ZNF536: variants seen among roughly 807,000 people sequenced by gnomAD.
The protein encoded by ZNF536 is zinc finger protein 536.
Under a neutral mutation model 84.5 loss-of-function variants are expected in ZNF536, and 13 were observed. That is an observed-to-expected ratio of 0.15 (90% confidence interval 0.10 to 0.24). The LOEUF (loss-of-function observed/expected upper bound fraction) is 0.24. Ranked by LOEUF, ZNF536 falls within the 10% of genes least tolerant of loss-of-function variation. The pLI, the probability that ZNF536 is intolerant of heterozygous loss-of-function variation, is 1.00. For missense variants in ZNF536, 1,536 were observed against 1,747.5 expected (o/e 0.88, Z 2.16); for synonymous variants, 811 against 742.5 (o/e 1.09, Z -1.50).
intron 1 of ZNF536, among the ~76,000 whole-genome samples, chr19:30,667,926 C>A (rs527736865): frequency 2.0e-5 from 3 of 152,124 alleles, no homozygotes; most frequent in South Asian, 4.2e-4. Flanking sequence ...GAAACGCAGG[C>A]TCAGAGAGGT....
chr19:30,581,875 A>G (rs1420607822), intron 1 of ZNF536, among the ~76,000 whole-genome samples: 1 of 152,222 alleles, frequency 6.6e-6, no homozygotes, highest in Non-Finnish European at 1.5e-5. Context: ...CAGAGGTTGC[A>G]GTAAGCTGAG....
intron 3 of ZNF536, among the ~76,000 whole-genome samples, chr19:30,360,185 G>A (rs956000212): frequency 3.3e-5 from 5 of 152,208 alleles, no homozygotes; most frequent in South Asian, 2.1e-4. Flanking sequence ...GAGCTTGGGC[G>A]TAGTGAAAGT....
intron 2 of ZNF536, among the ~76,000 whole-genome samples, chr19:30,469,104 C>T (rs1016258390): frequency 7.2e-5 from 11 of 152,100 alleles, no homozygotes; most frequent in African/African-American, 2.7e-4. Context: ...CAAGCCAAGT[C>T]TCCAAACATA....
At chr19:30,655,801 G>A (rs2049888679) in intron 1 of ZNF536, among the ~76,000 whole-genome samples, 1 of 152,186 alleles carries the variant, frequency 6.6e-6, no homozygotes, top group Non-Finnish European at 1.5e-5. Context: ...TGCTTTGGGA[G>A]GCTGAGGTGG....
At chr19:30,657,496 A>G (rs2049958489) in intron 1 of ZNF536, among the ~76,000 whole-genome samples, 1 of 152,142 alleles carries the variant, frequency 6.6e-6, no homozygotes, top group African/African-American at 2.4e-5. Flanking sequence ...CACTGCTCCG[A>G]CAACGTCTTG....
rs567960913 is a variant in ZNF536 at position 30,451,258 on chromosome 19, T to A, written c.2170+5526T>A. 5.5e-3 allele frequency among the ~76,000 whole-genome samples: 838 copies of A among 152,372 alleles called. 6 individuals are homozygous for A. The highest frequency in any genetic ancestry group is 0.019 in the African/African-American group (782 of 41,594). Reference sequence around the variant, plus strand: ...GGTCTGTCCACTTGGGACGCCCTGCTCGTGCCGGGATCGCCGTTGCTCTCA... The same window carrying A: ...GGTCTGTCCACTTGGGACGCCCTGCACGTGCCGGGATCGCCGTTGCTCTCA... On this transcript the variant is annotated intron_variant, in intron 2 of 4. Coordinates refer to ENST00000355537, the MANE Select transcript of ZNF536 (RefSeq NM_014717.3).
chr19:30,324,033 C>A (rs572346613), intron 2 of ZNF536, among the ~76,000 whole-genome samples: 1 of 151,898 alleles, frequency 6.6e-6, no homozygotes, highest in South Asian at 2.1e-4. Context: ...ATCCACCCAC[C>A]CATCCTCCAT....
chr19:30,521,521 A>G (rs973871738), intron 2 of ZNF536, among the ~76,000 whole-genome samples: 1 of 152,184 alleles, frequency 6.6e-6, no homozygotes, highest in Non-Finnish European at 1.5e-5. Context: ...AAGAAAAACA[A>G]GCAAACTTGA....
At chr19:30,446,694 T>C (rs1333362460) in intron 2 of ZNF536, among the ~76,000 whole-genome samples, 4 of 152,110 alleles carry the variant, frequency 2.6e-5, no homozygotes, top group Admixed American at 6.6e-5. Context: ...CTGTCTTAAA[T>C]TGTACTGTGT....
chr19:30,568,576 A>C (rs2046432375), intron 1 of ZNF536, among the ~76,000 whole-genome samples: 1 of 152,148 alleles, frequency 6.6e-6, no homozygotes, highest in Admixed American at 6.5e-5. Flanking sequence ...AAATACTGCT[A>C]ATAAAAAAAA....
chr19:30,337,230 C>T (rs183302761), intron 2 of ZNF536, among the ~76,000 whole-genome samples: 251 of 152,264 alleles, frequency 1.6e-3, no homozygotes, highest in Non-Finnish European at 2.9e-3. Flanking sequence ...TGGCACTGGA[C>T]GCTCCCAGCC....
chr19:30,373,916 C>T (rs1276152577), intron 1 of ZNF536, among the ~76,000 whole-genome samples: 3 of 152,212 alleles, frequency 2.0e-5, no homozygotes, highest in Non-Finnish European at 2.9e-5. Flanking sequence ...CGCGGCCCGG[C>T]CCCAGCCCCA....
intron 1 of ZNF536, among the ~76,000 whole-genome samples, chr19:30,684,820 G>C (rs1056929860): frequency 6.6e-6 from 1 of 152,162 alleles, no homozygotes; most frequent in South Asian, 2.1e-4. Context: ...GGCAGCGGTC[G>C]GGACCTGATC....
intron 1 of ZNF536, among the ~76,000 whole-genome samples, chr19:30,573,324 G>T (rs2046618331): frequency 6.6e-6 from 1 of 152,150 alleles, no homozygotes; most frequent in Non-Finnish European, 1.5e-5. Flanking sequence ...GGTAGTGAAA[G>T]GCAGGGCTAG....
At chr19:30,531,192 T>C (rs2044800675) in intron 2 of ZNF536, among the ~76,000 whole-genome samples, 1 of 152,248 alleles carries the variant, frequency 6.6e-6, no homozygotes, top group African/African-American at 2.4e-5. Context: ...AAACTGTTTA[T>C]CTTACAAATT....
chr19:30,703,848 A>G (rs1192462580), intron 1 of ZNF536, among the ~76,000 whole-genome samples: 1 of 152,198 alleles, frequency 6.6e-6, no homozygotes, highest in Non-Finnish European at 1.5e-5. Context: ...TGTCAGTATT[A>G]TTGCATCATT....
At chr19:30,699,110 G>A (rs145925282) in intron 1 of ZNF536, among the ~76,000 whole-genome samples, 6 of 151,256 alleles carry the variant, frequency 4.0e-5, no homozygotes, top group Admixed American at 1.3e-4. Context: ...ATATGTGGGG[G>A]TTTTTTTTTA....
intron 1 of ZNF536, among the ~76,000 whole-genome samples, chr19:30,384,098 C>CTCTTTCTTTCTTTCTTTCTT (rs749685060): frequency 5.8e-5 from 5 of 86,566 alleles, no homozygotes; most frequent in East Asian, 3.9e-4. Context: ...CCACCTCTTT[C>CTCTTTCTTTCTTTCTTTCTT]TCTTTCTTTC....
At chr19:30,432,968 G>A (rs764369643) in intron 1 of ZNF536, among the ~76,000 whole-genome samples, 5 of 152,140 alleles carry the variant, frequency 3.3e-5, no homozygotes, top group East Asian at 1.9e-4. Context: ...AGTGTGAGGC[G>A]TGCATGTTAT....
Sources: allele counts gnomAD v4.1 joint callset (sites outside exome capture counted in the v4.1 genomes callset), GRCh38; gene constraint gnomAD v4.1.1; transcripts MANE v1.5; gene names NCBI Gene and HGNC (gene_info 2026-07-23, HGNC 2026-07-21).